MACROD2: variants seen among roughly 807,000 people sequenced by gnomAD.
MACROD2 encodes ADP-ribose glycohydrolase MACROD2.
In MACROD2, 36 loss-of-function variants were observed where a neutral mutation model predicts 70.4. The ratio of observed to expected loss-of-function variants is 0.51; its 90% confidence interval spans 0.39 to 0.68. The LOEUF (loss-of-function observed/expected upper bound fraction) is 0.68, where lower values mean the gene tolerates loss of function less well. MACROD2 is among the 30% of genes least tolerant of loss of function. The pLI is 0.00. For synonymous variants in MACROD2, 172 were observed against 178.8 expected (o/e 0.96, Z 0.30); for missense variants, 496 against 538.4 (o/e 0.92, Z 0.78).
chr20:15,683,042 G>A (rs2050180891), intron 8 of MACROD2, among the ~76,000 whole-genome samples: 1 of 152,146 alleles, frequency 6.6e-6, no homozygotes, highest in African/African-American at 2.4e-5. Context: ...TAGAATCAGA[G>A]ATTGATGAAC....
At chr20:14,615,818 T>C (rs1983446020) in intron 4 of MACROD2, among the ~76,000 whole-genome samples, 2 of 151,930 alleles carry the variant, frequency 1.3e-5, no homozygotes, top group Admixed American at 1.3e-4. Context: ...AAGAAGAAAA[T>C]GCATGAGAAA....
intron 8 of MACROD2, among the ~76,000 whole-genome samples, chr20:15,734,682 C>A (rs149449884): frequency 6.6e-6 from 1 of 152,136 alleles, no homozygotes. Context: ...TTACCTATTT[C>A]TTGTCCCTTT....
intron 5 of MACROD2, among the ~76,000 whole-genome samples, chr20:14,842,202 C>G (rs1167527341): frequency 6.6e-6 from 1 of 151,960 alleles, no homozygotes; most frequent in Non-Finnish European, 1.5e-5. Flanking sequence ...TATAACTGTC[C>G]CACTTCTGCA....
At chr20:15,316,881 TAAC>T (rs966829472) in intron 6 of MACROD2, among the ~76,000 whole-genome samples, 3 of 151,814 alleles carry the variant, frequency 2.0e-5, no homozygotes, top group East Asian at 1.9e-4. Flanking sequence ...TAGAAACCAA[TAAC>T]AACAACAACA....
intron 2 of MACROD2, among the ~76,000 whole-genome samples, chr20:14,021,742 G>A (rs2053084119): frequency 6.6e-6 from 1 of 152,170 alleles, no homozygotes; most frequent in African/African-American, 2.4e-5. Context: ...ACCCAATAAA[G>A]TTTATTTCTA....
At chr20:14,223,841 G>C (rs981340286) in intron 3 of MACROD2, among the ~76,000 whole-genome samples, 2 of 152,104 alleles carry the variant, frequency 1.3e-5, no homozygotes, top group Admixed American at 1.3e-4. Context: ...GGGTTCTCCA[G>C]AGAAACAGAG....
At chr20:14,998,252 A>G (rs74760708) in intron 5 of MACROD2, among the ~76,000 whole-genome samples, 5,509 of 152,272 alleles carry the variant, frequency 0.036, 353 homozygotes, top group African/African-American at 0.13. Context: ...AGGAAAACAT[A>G]ACCTCACCAT....
chr20:15,769,084 T>G (rs2051577618), intron 8 of MACROD2, among the ~76,000 whole-genome samples: 1 of 152,368 alleles, frequency 6.6e-6, no homozygotes, highest in East Asian at 1.9e-4. Flanking sequence ...TTTAAAATAA[T>G]GATAAAAAGT....
intron 3 of MACROD2, among the ~76,000 whole-genome samples, chr20:14,143,033 C>A (rs2054897938): frequency 6.6e-6 from 1 of 152,090 alleles, no homozygotes; most frequent in East Asian, 1.9e-4. Flanking sequence ...ATTAAGAAAA[C>A]TTTTCATGTC....
intron 5 of MACROD2, among the ~76,000 whole-genome samples, chr20:15,108,849 A>G (rs1250794839): frequency 6.6e-6 from 1 of 152,026 alleles, no homozygotes; most frequent in Admixed American, 6.6e-5. Context: ...GCAGAGGAGG[A>G]AAGTGAGGGT....
intron 8 of MACROD2, among the ~76,000 whole-genome samples, chr20:15,757,170 A>G (rs2051360344): frequency 6.6e-6 from 1 of 152,236 alleles, no homozygotes; most frequent in African/African-American, 2.4e-5. Flanking sequence ...AACCAAAACA[A>G]AACAAAATGG....
chr20:15,813,053 A>G (rs560235718), intron 8 of MACROD2, among the ~76,000 whole-genome samples: 2 of 152,292 alleles, frequency 1.3e-5, no homozygotes, highest in African/African-American at 4.8e-5. Context: ...ATGGAAAGCT[A>G]TATTTTTCCT....
chr20:15,875,031 G>T (rs1375759615), intron 9 of MACROD2, among the ~76,000 whole-genome samples: 3 of 152,152 alleles, frequency 2.0e-5, no homozygotes, highest in African/African-American at 4.8e-5. Context: ...GAAGATGGAG[G>T]AAGAGGGCCT....
intron 5 of MACROD2, among the ~76,000 whole-genome samples, chr20:14,844,891 CCTT>C (rs2073124071): frequency 1.3e-5 from 2 of 152,042 alleles, no homozygotes; most frequent in South Asian, 4.1e-4. Flanking sequence ...AACGTATCTC[CCTT>C]CTTCTTTTTC....
intron 3 of MACROD2, among the ~76,000 whole-genome samples, chr20:14,396,822 G>C (rs1001089380): frequency 1.3e-5 from 2 of 150,366 alleles, no homozygotes; most frequent in Non-Finnish European, 3.0e-5. Flanking sequence ...CTACTCGGGA[G>C]GCTGAGGCAG....
chr20:14,489,143 A>G (rs2084766379), intron 3 of MACROD2, among the ~76,000 whole-genome samples: 1 of 152,238 alleles, frequency 6.6e-6, no homozygotes. Flanking sequence ...TGGTTTCTAC[A>G]TGTGAATCCG....
chr20:16,031,690 A>G (rs1178620943), intron 15 of MACROD2, among the ~76,000 whole-genome samples: 2 of 152,180 alleles, frequency 1.3e-5, no homozygotes, highest in East Asian at 3.8e-4. Flanking sequence ...CATATATTGA[A>G]TAGGCACTAA....
At chr20:14,508,298 CCTCTT>C (rs973638207) in intron 4 of MACROD2, among the ~76,000 whole-genome samples, 10 of 152,122 alleles carry the variant, frequency 6.6e-5, no homozygotes, top group South Asian at 6.2e-4. Context: ...TTTCTCTTTT[CCTCTT>C]CTCTTCTCTT....
At chr20:15,602,627 A>G (rs1348141089) in intron 8 of MACROD2, among the ~76,000 whole-genome samples, 1 of 152,184 alleles carries the variant, frequency 6.6e-6, no homozygotes, top group Admixed American at 6.5e-5. Flanking sequence ...CTTTCCCTCC[A>G]AAAACATCAT....
Sources: allele counts gnomAD v4.1 joint callset (sites outside exome capture counted in the v4.1 genomes callset), GRCh38; gene constraint gnomAD v4.1.1; transcripts MANE v1.5; gene names NCBI Gene and HGNC (gene_info 2026-07-23, HGNC 2026-07-21).